Variants in SETD5 observed in about 807,000 individuals in gnomAD.
SETD5 encodes the protein SET domain containing 5.
In SETD5, 44 loss-of-function variants were observed where a neutral mutation model predicts 153.3. The observed-to-expected ratio is 0.29, with a 90% CI of 0.23 to 0.37. The LOEUF (loss-of-function observed/expected upper bound fraction) is 0.37. Among genes scored for constraint, SETD5 ranks in the 10% least tolerant of loss-of-function variants. SETD5 has a pLI of 1.00. For synonymous variants in SETD5, 716 were observed against 645.2 expected (o/e 1.11, Z -1.66); for missense variants, 1,544 against 1,768.0 (o/e 0.87, Z 2.27).
At chr3:9,407,467 C>T (rs1306067796) in intron 1 of SETD5, among the ~76,000 whole-genome samples, 1 of 152,152 alleles carries the variant, frequency 6.6e-6, no homozygotes, top group East Asian at 1.9e-4. Context: ...TACAGTTTAT[C>T]ATGAACAGTT....
Position 9,440,471 on chromosome 3 carries a change from G to A in SETD5, c.583G>A (p.Ala195Thr). The change falls in exon 8 of 23, where the codon GCA becomes ACA. Residue 195 changes from alanine (A) to threonine (T), a missense_variant. Physicochemically the swap from Ala to Thr is moderately conservative, Grantham distance 58. This residue lies in a region of SETD5 where 251 missense variants were observed against 326.9 expected (regional missense o/e 0.77). Coordinates refer to ENST00000402198, the MANE Select transcript of SETD5 (RefSeq NM_001080517.3). ...TKKIKNSPSE[A>T]QNLDENTTEG... ...TTTTCTACAGAATTCTCCCTCTGAAGCACAGAATTTAGATGAGAATACAAC... is the reference window on the plus strand; with the variant it reads ...TTTTCTACAGAATTCTCCCTCTGAAACACAGAATTTAGATGAGAATACAAC... The A allele has an allele frequency of 6.4e-7, 1 of 1,560,098 alleles. No homozygotes were observed. The highest frequency in any genetic ancestry group is 8.8e-7 in the Non-Finnish European group (1 of 1,130,918).
chr3:9,434,277 G>A lies in SETD5; in HGVS notation c.178-57G>A, dbSNP rs778011855. 6.2e-7 allele frequency: 1 copy of A among 1,606,206 alleles called. No homozygotes were observed. On this transcript the variant is annotated intron_variant, in intron 4 of 22. Coordinates refer to ENST00000402198, the MANE Select transcript of SETD5 (RefSeq NM_001080517.3). This position sits in a 1 kb window ranked among gnomAD's most constrained non-coding sequence, Gnocchi z 5.6. ...TTGATTTAAAAAATCTTATTTTCAG[G>A]ATCATAATTACGGAGCCCCTCCTCC...
At position 9,416,553 on chromosome 3, in the gene SETD5, T is replaced by A. The variant is rs552591928; in HGVS notation, c.-176-7914T>A. On this transcript the variant is annotated intron_variant, in intron 1 of 22. Transcript: ENST00000402198. Reference sequence around the variant, plus strand: ...ATATTTCAATGATTAAGACTTTTTTTAATAACCACAAGTGTATAATTGTAA... The same window carrying A: ...ATATTTCAATGATTAAGACTTTTTTAAATAACCACAAGTGTATAATTGTAA... Among the ~76,000 whole-genome samples, 15 of 152,338 alleles carry A rather than the reference T, an allele frequency of 9.8e-5. No individual in the cohort carries two copies. The South Asian group carries it at 2.3e-3, about 23-fold the overall frequency.
Position 9,475,113 on chromosome 3 carries a change from C to T in SETD5, c.3677C>T (p.Ser1226Phe). The change falls in exon 22 of 23, where the codon TCT (serine) becomes TTT (phenylalanine). Residue 1226 changes from serine (S) to phenylalanine (F), a missense_variant. Physicochemically the swap from Ser to Phe is radical, Grantham distance 155 (BLOSUM62 -2). Coordinates refer to ENST00000402198, the MANE Select transcript of SETD5 (RefSeq NM_001080517.3). ...CCAGAGACATTAAGCTCAGCACTCT[C>T]TAAAGGAGCAACAGTTTACAGCCCT... Reference protein sequence around the residue: ...EGPETLSSALSKGATVYSPSR... With the variant: ...EGPETLSSALFKGATVYSPSR... 1.9e-6 allele frequency: 3 copies of T among 1,592,894 alleles called. No individual in the cohort carries two copies. The highest frequency in any genetic ancestry group is 1.7e-6 in the Non-Finnish European group (2 of 1,169,714).
chr3:9,413,211 G>T (rs2036859738), intron 1 of SETD5, among the ~76,000 whole-genome samples: 1 of 152,020 alleles, frequency 6.6e-6, no homozygotes, highest in Non-Finnish European at 1.5e-5. Flanking sequence ...AGAAAAAATA[G>T]AGTAGCCTAC....
At chr3:9,411,138 C>G (rs2036513489) in intron 1 of SETD5, among the ~76,000 whole-genome samples, 1 of 152,056 alleles carries the variant, frequency 6.6e-6, no homozygotes, top group African/African-American at 2.4e-5. Flanking sequence ...AGCCACCGCA[C>G]CTGGCCAAAA....
chr3:9,414,432 G>A (rs1391118756), intron 1 of SETD5, among the ~76,000 whole-genome samples: 2 of 152,102 alleles, frequency 1.3e-5, no homozygotes, highest in Non-Finnish European at 2.9e-5. Flanking sequence ...TGAGTATGAG[G>A]CTATCATTGC....
rs771111400 is a variant in SETD5, at chr3:9,473,385, G to A, written c.3345G>A (p.Val1115=). 75 of 1,613,960 alleles carry A rather than the reference G, an allele frequency of 4.6e-5. No homozygotes were observed. The highest frequency in any genetic ancestry group is 1.6e-4 in the Middle Eastern group (1 of 6,062). ...NSVSDTGAHG[V]QGSSARTPSS... ...TTTCCGACACTGGTGCCCATGGTGTGCAGGGATCCTCAGCCCGAACTCCAT... is the reference window on the plus strand; with the variant it reads ...TTTCCGACACTGGTGCCCATGGTGTACAGGGATCCTCAGCCCGAACTCCAT... Residue 1115 remains valine, a synonymous_variant, in exon 20 of 23, where the codon GTG becomes GTA. Coordinates refer to ENST00000402198, the MANE Select transcript of SETD5 (RefSeq NM_001080517.3).
At chr3:9,399,441 T>C (rs967122505) in intron 1 of SETD5, among the ~76,000 whole-genome samples, 29 of 152,116 alleles carry the variant, frequency 1.9e-4, no homozygotes, top group Non-Finnish European at 4.0e-4. Flanking sequence ...CTTTTTTTTT[T>C]CTATTGGATT....
Position 9,440,763 on chromosome 3 carries a change from A to G in SETD5, c.810+65A>G, listed in dbSNP as rs978561376. On this transcript the variant is annotated intron_variant, in intron 8 of 22. Transcript: ENST00000402198. ...ATTTTAAGAACCCAGGAAGAGGGTA[A>G]TGGATTGGAATTACTGTTCCTTCCA... The G allele has an allele frequency of 1.1e-4, 167 of 1,524,750 alleles. 1 individual carries two copies. The highest frequency in any genetic ancestry group is 3.9e-4 in the Middle Eastern group (2 of 5,080). 94.5% of individuals were successfully genotyped at this position (1,524,750 alleles called of 1,614,324 possible).
intron 1 of SETD5, among the ~76,000 whole-genome samples, chr3:9,404,872 C>G (rs1260120263): frequency 6.6e-6 from 1 of 152,200 alleles, no homozygotes; most frequent in Admixed American, 6.5e-5. Context: ...AAGACTTAGC[C>G]AGCAGAGGGC....
chr3:9,413,636 T>TG (rs1348863806), intron 1 of SETD5, among the ~76,000 whole-genome samples: 1 of 121,272 alleles, frequency 8.2e-6, no homozygotes, highest in African/African-American at 3.2e-5. Flanking sequence ...CTTCTTCGGG[T>TG]GGGGGGAGGC....
intron 2 of SETD5, among the ~76,000 whole-genome samples, chr3:9,426,542 G>A (rs1051208234): frequency 2.0e-5 from 3 of 151,694 alleles, no homozygotes; most frequent in Admixed American, 6.6e-5. Flanking sequence ...GATTACCAGC[G>A]TGTGCCACTA....
chr3:9,448,009 A>G lies in SETD5; in HGVS notation c.2103+3A>G, dbSNP rs2125282450. On this transcript the variant is annotated splice_donor_region_variant and intron_variant, in intron 15 of 22. Coordinates refer to ENST00000402198, the MANE Select transcript of SETD5 (RefSeq NM_001080517.3). Reference sequence around the variant, plus strand: ...CTAAATACCCCAAAACCAAAAAGGTAAGTCACAAATGCATCCTTTATAAGT... The same window carrying G: ...CTAAATACCCCAAAACCAAAAAGGTGAGTCACAAATGCATCCTTTATAAGT... 1.2e-6 allele frequency: 2 copies of G among 1,610,478 alleles called. No individual in the cohort carries two copies.
intron 3 of SETD5, chr3:9,430,394 A>G: frequency 4.1e-6 from 4 of 964,166 alleles, no homozygotes; most frequent in Non-Finnish European, 4.9e-6. Flanking sequence ...GGGGTGGGGA[A>G]GGGTTGATTT....
At chr3:9,449,713 G>C (rs2042407231) in intron 16 of SETD5, 1 of 152,228 alleles carries the variant, frequency 6.6e-6, no homozygotes, top group African/African-American at 2.4e-5. Flanking sequence ...ATATGGAGGG[G>C]AGGAGGGCAA....
intron 2 of SETD5, among the ~76,000 whole-genome samples, chr3:9,426,654 A>G (rs1236455139): frequency 6.6e-6 from 1 of 152,018 alleles, no homozygotes; most frequent in Admixed American, 6.6e-5. Context: ...TGGCCTCCCA[A>G]AATGCTGGGA....
At chr3:9,451,358 A>G (rs906746511) in intron 16 of SETD5, among the ~76,000 whole-genome samples, 2 of 152,154 alleles carry the variant, frequency 1.3e-5, no homozygotes, top group African/African-American at 2.4e-5. Flanking sequence ...TCATTGTCCT[A>G]AATTTATATA....
chr3:9,458,723 G>A (rs952162031), intron 17 of SETD5, among the ~76,000 whole-genome samples: 3 of 152,124 alleles, frequency 2.0e-5, no homozygotes, highest in Non-Finnish European at 4.4e-5. Flanking sequence ...TAAAACTGCC[G>A]GGGAGTAATA....
Sources: gnomAD v4.1 joint callset for allele counts (sites outside exome capture counted in the v4.1 genomes callset) on GRCh38, gnomAD v4.1.1 for gene constraint, gnomAD v4.1.1 regional missense constraint, Gnocchi (gnomAD v3.1) non-coding constraint, MANE v1.5 for transcripts, NCBI Gene and HGNC (gene_info 2026-07-23, HGNC 2026-07-21) for gene names.